Variants in UBE3D observed in about 807,000 individuals in gnomAD.
UBE3D encodes ubiquitin protein ligase E3D.
Under a neutral mutation model 49.6 loss-of-function variants are expected in UBE3D, and 48 were observed. That is an observed-to-expected ratio of 0.97 (90% CI 0.77 to 1.23). The LOEUF (loss-of-function observed/expected upper bound fraction) is 1.23, where lower values mean the gene tolerates loss of function less well. UBE3D is among the 50% of genes most tolerant of loss of function. The probability of loss-of-function intolerance (pLI) is 0.00; values close to 1 mark genes in which losing one functional copy is unlikely to be tolerated. For synonymous variants in UBE3D, 189 were observed against 174.2 expected (o/e 1.08, Z -0.67); for missense variants, 452 against 468.4 (o/e 0.96, Z 0.32).
intron 9 of UBE3D, among the ~76,000 whole-genome samples, chr6:82,929,992 T>TC (rs1315507370): frequency 1.3e-5 from 2 of 151,932 alleles, no homozygotes; most frequent in Non-Finnish European, 2.9e-5. Context: ...TTTGGCTGCA[T>TC]CCCCCCCAAA....
At chr6:82,964,463 G>A (rs1022609596) in intron 8 of UBE3D, among the ~76,000 whole-genome samples, 4 of 152,156 alleles carry the variant, frequency 2.6e-5, no homozygotes, top group Non-Finnish European at 5.9e-5. Flanking sequence ...AGCTCAAGAT[G>A]AAAATATTTA....
intron 1 of UBE3D, among the ~76,000 whole-genome samples, chr6:83,062,423 A>T (rs1022678446): frequency 6.6e-6 from 1 of 152,196 alleles, no homozygotes; most frequent in African/African-American, 2.4e-5. Context: ...ATGGGAGGGC[A>T]TTAATCTATT....
At chr6:82,947,603 CCTT>C (rs1183963873) in intron 9 of UBE3D, among the ~76,000 whole-genome samples, 1 of 151,856 alleles carries the variant, frequency 6.6e-6, no homozygotes, top group African/African-American at 2.4e-5. Context: ...CAATGACAGA[CCTT>C]CTGTTAACGT....
intron 7 of UBE3D, among the ~76,000 whole-genome samples, chr6:83,021,162 G>T (rs911189778): frequency 2.6e-5 from 4 of 152,172 alleles, no homozygotes; most frequent in African/African-American, 7.2e-5. Context: ...AGGCATGGTG[G>T]CTCATGCCTG....
intron 8 of UBE3D, among the ~76,000 whole-genome samples, chr6:83,008,397 A>C (rs1780124046): frequency 6.6e-6 from 1 of 152,230 alleles, no homozygotes; most frequent in Non-Finnish European, 1.5e-5. Context: ...AAACTAAAAA[A>C]TGTGATATAT....
rs80215633 is a variant in UBE3D, at chr6:82,959,119, T to C, written c.1011-1669A>G. ...CCCTCCCAGAGGAATCTTGATCGCT[T>C]GCTGCATGCAGGAAAAGACAAACCA... is the stretch of plus-strand genomic sequence containing the variant. On this transcript the variant is annotated intron_variant, in intron 8 of 9. Transcript: ENST00000369747. Among the ~76,000 whole-genome samples, 435 of 152,110 alleles carry C rather than the reference T, an allele frequency of 2.9e-3. 4 individuals carry two copies. Among genetic ancestry groups the C allele is most frequent in the African/African-American group, 9.3e-3 (386 of 41,524 alleles).
chr6:83,021,177 C>T (rs1222060136), intron 7 of UBE3D, among the ~76,000 whole-genome samples: 1 of 152,100 alleles, frequency 6.6e-6, no homozygotes, highest in Non-Finnish European at 1.5e-5. Context: ...TGCCTGTAAT[C>T]CCACTATAAT....
At chr6:83,002,914 G>A (rs1202531945) in intron 8 of UBE3D, among the ~76,000 whole-genome samples, 3 of 152,090 alleles carry the variant, frequency 2.0e-5, no homozygotes, top group Admixed American at 6.5e-5. Flanking sequence ...TTGTTATAGC[G>A]GCACAACAGA....
intron 7 of UBE3D, among the ~76,000 whole-genome samples, chr6:83,020,769 C>T (rs1374694095): frequency 6.6e-6 from 1 of 152,182 alleles, no homozygotes; most frequent in Non-Finnish European, 1.5e-5. Context: ...GCTACAGAGT[C>T]ACACCTAACA....
intron 9 of UBE3D, among the ~76,000 whole-genome samples, chr6:82,928,510 G>A (rs1399377027): frequency 6.6e-6 from 1 of 152,090 alleles, no homozygotes; most frequent in Non-Finnish European, 1.5e-5. Flanking sequence ...AGCTTAAAAA[G>A]ATCTTTTAAC....
At chr6:82,948,593 G>T (rs1436046670) in intron 9 of UBE3D, among the ~76,000 whole-genome samples, 1 of 151,794 alleles carries the variant, frequency 6.6e-6, no homozygotes, top group Non-Finnish European at 1.5e-5. Flanking sequence ...TATCTCTAAA[G>T]AATATTGATT....
chr6:83,007,188 T>C lies in UBE3D; in HGVS notation c.1010+11785A>G, dbSNP rs921278329. On this transcript the variant is annotated intron_variant, in intron 8 of 9. Transcript: ENST00000369747. Reference sequence around the variant, plus strand: ...GAAACCAAATTAGTTTATAGTTTAGTCTCTATATTCTACTAAAGCTGAAGA... The same window carrying C: ...GAAACCAAATTAGTTTATAGTTTAGCCTCTATATTCTACTAAAGCTGAAGA... Among the ~76,000 whole-genome samples the C allele has an allele frequency of 2.6e-5, 4 of 152,178 alleles. No individual in the cohort carries two copies. The South Asian group carries it at 6.2e-4, about 24-fold the overall frequency.
intron 5 of UBE3D, among the ~76,000 whole-genome samples, chr6:83,029,810 G>C (rs1025105251): frequency 2.6e-5 from 4 of 152,120 alleles, no homozygotes. Context: ...AGCCACTAAT[G>C]TCTCTACTCA....
At chr6:82,994,236 C>T (rs1779092916) in intron 8 of UBE3D, among the ~76,000 whole-genome samples, 1 of 152,066 alleles carries the variant, frequency 6.6e-6, no homozygotes, top group African/African-American at 2.4e-5. Flanking sequence ...ACTAAAAACA[C>T]CAATTTATAT....
intron 8 of UBE3D, among the ~76,000 whole-genome samples, chr6:82,997,101 G>A (rs1779296643): frequency 6.6e-6 from 1 of 152,032 alleles, no homozygotes; most frequent in African/African-American, 2.4e-5. Context: ...CTAAATTTTA[G>A]TAATTCTAAA....
intron 5 of UBE3D, 33 bp downstream of exon 5, chr6:83,038,383 A>G: frequency 6.4e-7 from 1 of 1,555,032 alleles, no homozygotes; most frequent in Non-Finnish European, 8.8e-7. Context: ...GCAAGAAGCC[A>G]ATCATTTTGG....
intron 9 of UBE3D, among the ~76,000 whole-genome samples, chr6:82,926,939 A>G (rs938383385): frequency 6.6e-6 from 1 of 152,090 alleles, no homozygotes; most frequent in Non-Finnish European, 1.5e-5. Flanking sequence ...ATGCTAGGCC[A>G]TCTAGAATTT....
intron 9 of UBE3D, among the ~76,000 whole-genome samples, chr6:82,941,714 C>T (rs1236797772): frequency 1.3e-5 from 2 of 152,152 alleles, no homozygotes; most frequent in Admixed American, 6.5e-5. Flanking sequence ...CCTCATGCTG[C>T]TCTCGTGATA....
At chr6:82,931,806 C>T (rs966502825) in intron 9 of UBE3D, among the ~76,000 whole-genome samples, 1 of 151,964 alleles carries the variant, frequency 6.6e-6, no homozygotes, top group Non-Finnish European at 1.5e-5. Context: ...ACTTTGGACT[C>T]GGATTGGGTT....
Sources: allele counts gnomAD v4.1 joint callset (sites outside exome capture counted in the v4.1 genomes callset), GRCh38; gene constraint gnomAD v4.1.1; transcripts MANE v1.5; gene names NCBI Gene and HGNC (gene_info 2026-07-23, HGNC 2026-07-21).